RFX8: variants seen among roughly 807,000 people sequenced by gnomAD.
RFX8 encodes the protein regulatory factor X8.
RFX8 carries 46 observed loss-of-function variants against 54.6 expected under a neutral mutation model. That is an observed-to-expected ratio of 0.84 (90% CI 0.67 to 1.08). RFX8 has a LOEUF of 1.08. Ranked by LOEUF, RFX8 falls within the 50% of genes least tolerant of loss-of-function variation. RFX8 has a pLI of 0.00. For synonymous variants in RFX8, 192 were observed against 209.5 expected (o/e 0.92, Z 0.72); for missense variants, 536 against 562.3 (o/e 0.95, Z 0.47).
At chr2:101,413,377 G>A (rs913723892) in intron 7 of RFX8, among the ~76,000 whole-genome samples, 3 of 152,138 alleles carry the variant, frequency 2.0e-5, no homozygotes, top group African/African-American at 7.2e-5. Flanking sequence ...GAGGGATCCC[G>A]GGGATTGAGC....
At chr2:101,470,874 C>T (rs1689945748) in intron 1 of RFX8, among the ~76,000 whole-genome samples, 1 of 150,836 alleles carries the variant, frequency 6.6e-6, no homozygotes, top group Admixed American at 6.6e-5. Flanking sequence ...CGCCTGCCAC[C>T]TCGCCCGGCT....
At chr2:101,460,694 C>T (rs1689220785) in intron 2 of RFX8, among the ~76,000 whole-genome samples, 1 of 151,508 alleles carries the variant, frequency 6.6e-6, no homozygotes, top group Admixed American at 6.6e-5. Flanking sequence ...TGTCCGTAAT[C>T]ATTCAGCCCT....
intron 7 of RFX8, among the ~76,000 whole-genome samples, chr2:101,413,492 AT>A (rs1686285733): frequency 6.6e-6 from 1 of 152,140 alleles, no homozygotes; most frequent in Non-Finnish European, 1.5e-5. Flanking sequence ...GCCATGAGGA[AT>A]TTGGCCTCTG....
intron 2 of RFX8, among the ~76,000 whole-genome samples, chr2:101,433,499 C>G (rs1410824098): frequency 6.6e-6 from 1 of 152,212 alleles, no homozygotes; most frequent in Non-Finnish European, 1.5e-5. Context: ...TAGCACATAA[C>G]TCATCTTGTT....
At chr2:101,404,988 A>T (rs1010602402) in intron 10 of RFX8, among the ~76,000 whole-genome samples, 1 of 152,164 alleles carries the variant, frequency 6.6e-6, no homozygotes, top group Non-Finnish European at 1.5e-5. Context: ...ATCACTTGCC[A>T]TAACTACTGT....
intron 2 of RFX8, among the ~76,000 whole-genome samples, chr2:101,429,512 T>C (rs1307685200): frequency 6.6e-6 from 1 of 152,202 alleles, no homozygotes; most frequent in Non-Finnish European, 1.5e-5. Context: ...TTATACATAA[T>C]GGAGAACAGA....
intron 2 of RFX8, among the ~76,000 whole-genome samples, chr2:101,433,453 A>C (rs1687604760): frequency 6.6e-6 from 1 of 152,254 alleles, no homozygotes; most frequent in Non-Finnish European, 1.5e-5. Context: ...TTGTCTAAAA[A>C]AAGTCAGGCA....
chr2:101,474,451 G>A (rs997815536), intron 1 of RFX8, 185 bp downstream of exon 1: 1 of 358,318 alleles, frequency 2.8e-6, no homozygotes, highest in Middle Eastern at 7.4e-4. Flanking sequence ...GCCCGGGGGC[G>A]CGGAAGGCGC....
intron 8 of RFX8, 28 bp downstream of exon 8, chr2:101,412,887 A>G (rs536204026): frequency 1.9e-6 from 3 of 1,540,584 alleles, no homozygotes; most frequent in Non-Finnish European, 2.6e-6. Flanking sequence ...CAACACGCCA[A>G]TAAAGCAAGC....
intron 1 of RFX8, among the ~76,000 whole-genome samples, chr2:101,473,809 A>G (rs1690141708): frequency 6.6e-6 from 1 of 152,226 alleles, no homozygotes; most frequent in Non-Finnish European, 1.5e-5. Flanking sequence ...TAAGCTTTAA[A>G]TTAGGAAACA....
intron 2 of RFX8, among the ~76,000 whole-genome samples, chr2:101,450,289 C>T (rs548910597): frequency 2.0e-5 from 3 of 152,266 alleles, no homozygotes; most frequent in South Asian, 2.1e-4. Context: ...GACGCAATCA[C>T]GGCTCACTGC....
chr2:101,453,088 G>A (rs1224959884), intron 2 of RFX8, among the ~76,000 whole-genome samples: 1 of 121,800 alleles, frequency 8.2e-6, no homozygotes, highest in Non-Finnish European at 1.7e-5. Context: ...CTCCATCCTG[G>A]TGACAGAGCG....
intron 2 of RFX8, among the ~76,000 whole-genome samples, chr2:101,424,567 C>T (rs1400988347): frequency 2.0e-5 from 3 of 152,128 alleles, no homozygotes; most frequent in South Asian, 2.1e-4. Context: ...CACATGCACA[C>T]GTATGTTTAT....
intron 2 of RFX8, among the ~76,000 whole-genome samples, chr2:101,452,901 T>C (rs533865222): frequency 1.9e-4 from 28 of 150,994 alleles, no homozygotes; most frequent in African/African-American, 6.3e-4. Flanking sequence ...GGTCAAGAGA[T>C]TGAGACCATC....
chr2:101,445,878 G>A (rs1241177570), intron 2 of RFX8, among the ~76,000 whole-genome samples: 1 of 152,168 alleles, frequency 6.6e-6, no homozygotes, highest in Non-Finnish European at 1.5e-5. Context: ...AATGGCAGAT[G>A]AGTTATAGAG....
At chr2:101,463,105 C>G (rs191435796) in intron 2 of RFX8, among the ~76,000 whole-genome samples, 7 of 152,312 alleles carry the variant, frequency 4.6e-5, no homozygotes, top group Admixed American at 3.3e-4. Flanking sequence ...ATCCATCTAG[C>G]CTTGCAGCCT....
At position 101,402,551 on chromosome 2, in the gene RFX8, A is replaced by G; in HGVS notation, c.1130T>C (p.Met377Thr). 2.6e-6 allele frequency: 4 copies of G among 1,551,856 alleles called. 1 individual carries two copies. The highest frequency in any genetic ancestry group is 2.4e-5 in the East Asian group (1 of 40,906). The change falls in exon 11 of 12, where the codon ATG becomes ACG. Residue 377 changes from methionine (M) to threonine (T), a missense_variant. Coordinates refer to ENST00000428343, the MANE Select transcript of RFX8 (RefSeq NM_001145664.2). ...SLSQACASPS[M>T]EPLGVMPTHM... ...TGTGGGCATCACCCCCAGTGGCTCC[A>G]TGCTGGGGCTGGCACACGCCTGCGA...
intron 11 of RFX8, among the ~76,000 whole-genome samples, chr2:101,400,638 A>G (rs1457634861): frequency 6.6e-6 from 1 of 152,202 alleles, no homozygotes; most frequent in Non-Finnish European, 1.5e-5. Context: ...AGCCTCCCTT[A>G]CGGTGCTTTA....
intron 2 of RFX8, among the ~76,000 whole-genome samples, chr2:101,423,259 C>CAAAA (rs10686930): frequency 6.2e-5 from 6 of 96,984 alleles, no homozygotes; most frequent in African/African-American, 2.4e-4. Context: ...AACTCCATCT[C>CAAAA]AAAAAAAAAA....
Sources: allele counts gnomAD v4.1 joint callset (sites outside exome capture counted in the v4.1 genomes callset), GRCh38; gene constraint gnomAD v4.1.1; transcripts MANE v1.5; gene names NCBI Gene and HGNC (gene_info 2026-07-23, HGNC 2026-07-21).